SLC28A3: variants seen among roughly 807,000 people sequenced by gnomAD.
SLC28A3 encodes solute carrier family 28 member 3, also known as concentrative Na(+)-nucleoside cotransporter 3.
Under a neutral mutation model 84.2 loss-of-function variants are expected in SLC28A3, and 68 were observed. The ratio of observed to expected loss-of-function variants is 0.81; its 90% CI spans 0.66 to 0.99. SLC28A3 has a LOEUF of 0.99. Among genes scored for constraint, SLC28A3 ranks in the 50% least tolerant of loss-of-function variants. The pLI is 0.00. For missense variants in SLC28A3, 712 were observed against 841.5 expected (o/e 0.85, Z 1.90); for synonymous variants, 267 against 303.6 (o/e 0.88, Z 1.25).
chr9:84,340,825 G>A (rs370606241), upstream of SLC28A3: 25 of 575,262 alleles, frequency 4.3e-5, no homozygotes, highest in Middle Eastern at 4.7e-4. Context: ...GCAGAGAGGC[G>A]GGCGGGTTGG....
Position 84,277,891 on chromosome 9 carries a change from T to G in SLC28A3, c.*327A>C. 1 of 247,966 alleles carries G rather than the reference T, an allele frequency of 4.0e-6. No individual in the cohort carries two copies. The highest frequency in any genetic ancestry group is 7.9e-6 in the Non-Finnish European group (1 of 126,362). 15.4% of individuals were successfully genotyped at this position (247,966 alleles called of 1,614,324 possible). A position where few individuals can be genotyped will look rare whatever the true frequency, so the allele number is the denominator to read the frequency against. ...GGGTGTGGGTGAGTCAGAGCCCAGT[T>G]GTTGGGAGCGGCCGTTTATAGCTGT... On this transcript the variant is annotated 3_prime_UTR_variant, in exon 18 of 18. Transcript: ENST00000376238.
chr9:84,294,988 A>G (rs991140315), intron 8 of SLC28A3, among the ~76,000 whole-genome samples: 4 of 152,092 alleles, frequency 2.6e-5, no homozygotes, highest in Admixed American at 6.6e-5. Context: ...TGAGAATGCT[A>G]TATAAACTGC....
intron 9 of SLC28A3, 55 bp downstream of exon 9, chr9:84,294,140 G>T: frequency 1.3e-6 from 2 of 1,549,516 alleles, no homozygotes; most frequent in South Asian, 1.2e-5. Context: ...TGAGGACTTC[G>T]TGCCTGAGAT....
chr9:84,351,635 G>A, the SLC28A3 span, among the ~76,000 whole-genome samples: 15 of 151,156 alleles, frequency 9.9e-5, no homozygotes, highest in African/African-American at 3.4e-4. Flanking sequence ...ACTCCAGCCT[G>A]GATGACAGAG....
the SLC28A3 span, among the ~76,000 whole-genome samples, chr9:84,367,479 T>C: frequency 6.6e-6 from 1 of 152,158 alleles, no homozygotes; most frequent in South Asian, 2.1e-4. Context: ...TGTGGGTGTT[T>C]CTCGTCAGGT....
chr9:84,359,016 C>G, the SLC28A3 span, among the ~76,000 whole-genome samples: 1 of 152,242 alleles, frequency 6.6e-6, no homozygotes, highest in Non-Finnish European at 1.5e-5. Context: ...GTTGGCCAGG[C>G]TGGTCTCGAA....
intron 1 of SLC28A3, among the ~76,000 whole-genome samples, chr9:84,314,105 T>C (rs1183261698): frequency 6.6e-6 from 1 of 152,190 alleles, no homozygotes; most frequent in African/African-American, 2.4e-5. Flanking sequence ...TGGTAAACCA[T>C]AGGCTGAATA....
the SLC28A3 span, among the ~76,000 whole-genome samples, chr9:84,356,581 C>T: frequency 1.1e-3 from 174 of 152,224 alleles, no homozygotes; most frequent in Middle Eastern, 6.8e-3. Context: ...CTCGTAATCC[C>T]AGCACTTTGG....
At chr9:84,357,092 T>C in the SLC28A3 span, among the ~76,000 whole-genome samples, 1 of 152,210 alleles carries the variant, frequency 6.6e-6, no homozygotes, top group African/African-American at 2.4e-5. Flanking sequence ...GTCAGCTTCA[T>C]GAAGGCCGGG....
Position 84,276,743 on chromosome 9 carries a change from C to T in SLC28A3, c.*1475G>A, listed in dbSNP as rs1011169563. 1 of 152,196 alleles carries T rather than the reference C, an allele frequency of 6.6e-6. No individual in the cohort carries two copies. Among genetic ancestry groups the T allele is most frequent in the East Asian group, 1.9e-4 (1 of 5,202 alleles). The allele number at this position is 152,196 out of a possible 1,614,324, so 9.4% of individuals were successfully genotyped here. A position where few individuals can be genotyped will look rare whatever the true frequency, so the allele number is the denominator to read the frequency against. On this transcript the variant is annotated 3_prime_UTR_variant, in exon 18 of 18. Transcript: ENST00000376238. ...GGACATTAGGCCTCCTCCTTCACCACCACAAAAAACAAAACACACAAAAAA... is the reference window on the plus strand; with the variant it reads ...GGACATTAGGCCTCCTCCTTCACCATCACAAAAAACAAAACACACAAAAAA...
At chr9:84,307,963 G>A (rs1023976160) in intron 3 of SLC28A3, among the ~76,000 whole-genome samples, 3 of 152,166 alleles carry the variant, frequency 2.0e-5, no homozygotes, top group South Asian at 2.1e-4. Context: ...CAGTACCTCC[G>A]GGTCAGAGAC....
chr9:84,299,516 T>C (rs1825541985), intron 6 of SLC28A3, 65 bp downstream of exon 6: 1 of 1,587,522 alleles, frequency 6.3e-7, no homozygotes, highest in African/African-American at 1.4e-5. Context: ...ACAATCAGTA[T>C]TTTGAGCAAT....
chr9:84,305,230 T>A, intron 4 of SLC28A3, 24 bp downstream of exon 4: 39 of 1,446,362 alleles, frequency 2.7e-5, no homozygotes, highest in Non-Finnish European at 3.4e-5. Context: ...GACAGTGGTA[T>A]CCCTAACCAT....
At chr9:84,297,075 G>A (rs1825440387) in intron 8 of SLC28A3, 146 bp downstream of exon 8, 2 of 562,546 alleles carry the variant, frequency 3.6e-6, no homozygotes, top group Non-Finnish European at 6.2e-6. Context: ...ATTGTCAGTG[G>A]AAAAGAGCAG....
At chr9:84,360,654 A>G in the SLC28A3 span, among the ~76,000 whole-genome samples, 1 of 152,196 alleles carries the variant, frequency 6.6e-6, no homozygotes, top group Non-Finnish European at 1.5e-5. Context: ...GCCGTGGCTT[A>G]TAATTGTAAT....
chr9:84,305,219 A>T (rs1825749999), intron 4 of SLC28A3, 35 bp downstream of exon 4: 3 of 1,438,968 alleles, frequency 2.1e-6, no homozygotes, highest in Non-Finnish European at 2.8e-6. Flanking sequence ...AAAAAAAAAA[A>T]GACAGTGGTA....
intron 11 of SLC28A3, among the ~76,000 whole-genome samples, chr9:84,289,419 A>G (rs924422338): frequency 1.3e-5 from 2 of 152,194 alleles, no homozygotes; most frequent in Non-Finnish European, 2.9e-5. Context: ...GTCGGGGTGC[A>G]CGCACCAGTT....
chr9:84,354,828 T>C, the SLC28A3 span, among the ~76,000 whole-genome samples: 1 of 142,752 alleles, frequency 7.0e-6, no homozygotes, highest in African/African-American at 2.6e-5. Flanking sequence ...GCCTGGGCAA[T>C]AGAGTGAAAC....
In SLC28A3 at chr9:84,285,821, A is replaced by G; in HGVS notation, c.1449+122T>C. 5 of 1,195,880 alleles carry G rather than the reference A, an allele frequency of 4.2e-6. No individual in the cohort carries two copies. In the South Asian group the frequency reaches 8.1e-5, roughly 19 times the overall value. The allele number at this position is 1,195,880 out of a possible 1,614,324, so 74.1% of individuals were successfully genotyped here. A position where few individuals can be genotyped will look rare whatever the true frequency, so the allele number is the denominator to read the frequency against. On this transcript the variant is annotated intron_variant, in intron 13 of 17. Coordinates refer to ENST00000376238, the MANE Select transcript of SLC28A3 (RefSeq NM_001199633.2). Reference sequence around the variant, plus strand: ...TGGGTGGGAAGTTGGGGGATGCATGAGAAGCTTCTACGGTGTGGAAGAGTC... The same window carrying G: ...TGGGTGGGAAGTTGGGGGATGCATGGGAAGCTTCTACGGTGTGGAAGAGTC...
Sources: gnomAD v4.1 joint callset for allele counts (sites outside exome capture counted in the v4.1 genomes callset) on GRCh38, gnomAD v4.1.1 for gene constraint, MANE v1.5 for transcripts, NCBI Gene and HGNC (gene_info 2026-07-23, HGNC 2026-07-21) for gene names.